NCAM2: variants seen among roughly 807,000 people sequenced by gnomAD.
The protein encoded by NCAM2 is neural cell adhesion molecule 2.
In NCAM2, 30 loss-of-function variants were observed where a neutral mutation model predicts 98.1. The observed-to-expected ratio is 0.31, with a 90% CI of 0.23 to 0.41. The LOEUF (loss-of-function observed/expected upper bound fraction) is 0.41, where lower values mean the gene tolerates loss of function less well. Ranked by LOEUF, NCAM2 falls within the 10% of genes least tolerant of loss-of-function variation. The pLI, the probability that NCAM2 is intolerant of heterozygous loss-of-function variation, is 1.00. For missense variants in NCAM2, 867 were observed against 1,005.8 expected (o/e 0.86, Z 1.87); for synonymous variants, 368 against 342.4 (o/e 1.07, Z -0.83).
chr21:21,391,535 ATAAT>A (rs201761958), intron 9 of NCAM2, among the ~76,000 whole-genome samples: 1,856 of 152,030 alleles, frequency 0.012, 37 homozygotes, highest in African/African-American at 0.041. Context: ...TGATCAGATA[ATAAT>A]TAATCTGAAT....
At chr21:21,467,201 A>G (rs1456375122) in intron 13 of NCAM2, among the ~76,000 whole-genome samples, 1 of 151,884 alleles carries the variant, frequency 6.6e-6, no homozygotes, top group African/African-American at 2.4e-5. Context: ...TTGTTCTGAT[A>G]ACTATCATAT....
At chr21:21,302,431 A>G (rs2073748587) in intron 5 of NCAM2, among the ~76,000 whole-genome samples, 1 of 152,002 alleles carries the variant, frequency 6.6e-6, no homozygotes. Flanking sequence ...TTCTAAGTGT[A>G]TGATTTTTCT....
At chr21:21,496,425 C>G (rs574666467) in intron 15 of NCAM2, among the ~76,000 whole-genome samples, 1 of 151,876 alleles carries the variant, frequency 6.6e-6, no homozygotes, top group Non-Finnish European at 1.5e-5. Flanking sequence ...TTTTGAGAAG[C>G]GTCTGTCCAT....
intron 1 of NCAM2, among the ~76,000 whole-genome samples, chr21:21,202,557 C>T (rs2069275521): frequency 6.6e-6 from 1 of 151,758 alleles, no homozygotes; most frequent in Admixed American, 6.6e-5. Flanking sequence ...GCTGGGAATA[C>T]AGGCATGTGC....
intron 1 of NCAM2, among the ~76,000 whole-genome samples, chr21:21,088,179 A>G (rs1324540955): frequency 3.3e-5 from 5 of 152,220 alleles, no homozygotes; most frequent in Non-Finnish European, 4.4e-5. Context: ...TTAATAATCA[A>G]TCCAAATGTA....
chr21:21,369,024 G>A (rs150019869), intron 8 of NCAM2, among the ~76,000 whole-genome samples: 2 of 151,750 alleles, frequency 1.3e-5, no homozygotes, highest in African/African-American at 2.4e-5. Flanking sequence ...GCAATTAAAA[G>A]CCTTTTTTCC....
At chr21:21,510,035 C>A (rs902833407) in intron 16 of NCAM2, among the ~76,000 whole-genome samples, 1 of 152,124 alleles carries the variant, frequency 6.6e-6, no homozygotes, top group Non-Finnish European at 1.5e-5. Flanking sequence ...AAGCAAACAA[C>A]TAGTTGGGTT....
intron 1 of NCAM2, among the ~76,000 whole-genome samples, chr21:21,090,136 A>G (rs143391849): frequency 6.6e-6 from 1 of 152,322 alleles, no homozygotes; most frequent in Non-Finnish European, 1.5e-5. Flanking sequence ...CCCCAGAATC[A>G]CTGAATCAGA....
intron 8 of NCAM2, among the ~76,000 whole-genome samples, chr21:21,366,228 A>G (rs1438071719): frequency 1.3e-5 from 2 of 152,094 alleles, no homozygotes; most frequent in Non-Finnish European, 2.9e-5. Context: ...TTTGTTTAAT[A>G]GTTATTATAC....
At chr21:21,179,662 C>G (rs2068406116) in intron 1 of NCAM2, among the ~76,000 whole-genome samples, 2 of 152,108 alleles carry the variant, frequency 1.3e-5, no homozygotes, top group Admixed American at 1.3e-4. Flanking sequence ...ATATTTACTT[C>G]CTTATAGAAG....
At chr21:21,319,798 A>G (rs894560161) in intron 5 of NCAM2, among the ~76,000 whole-genome samples, 2 of 152,194 alleles carry the variant, frequency 1.3e-5, no homozygotes, top group South Asian at 2.1e-4. Context: ...GCAAATAATT[A>G]GAAAATGGAG....
chr21:21,278,302 G>C (rs1358519510), intron 1 of NCAM2, among the ~76,000 whole-genome samples: 1 of 151,984 alleles, frequency 6.6e-6, no homozygotes, highest in Non-Finnish European at 1.5e-5. Context: ...CATCTCTTCA[G>C]ATTCAAGCTT....
intron 11 of NCAM2, among the ~76,000 whole-genome samples, chr21:21,429,694 A>C (rs536119638): frequency 2.9e-4 from 44 of 152,210 alleles, no homozygotes; most frequent in Non-Finnish European, 3.2e-4. Flanking sequence ...CCAAAACATT[A>C]TTTAGATATC....
intron 9 of NCAM2, among the ~76,000 whole-genome samples, chr21:21,380,790 G>A (rs2076137040): frequency 6.6e-6 from 1 of 152,162 alleles, no homozygotes; most frequent in South Asian, 2.1e-4. Flanking sequence ...CTTGGTCGCA[G>A]CTGGTAATGT....
At chr21:21,190,568 A>G (rs1369367297) in intron 1 of NCAM2, among the ~76,000 whole-genome samples, 1 of 152,174 alleles carries the variant, frequency 6.6e-6, no homozygotes, top group African/African-American at 2.4e-5. Flanking sequence ...ACTTGGAAGG[A>G]GATTAAGTAT....
Position 21,436,811 on chromosome 21 carries a change from G to A in NCAM2, c.1654+4530G>A, listed in dbSNP as rs1173946520. Among the ~76,000 whole-genome samples, 3 of 149,892 alleles carry A rather than the reference G, an allele frequency of 2.0e-5. No homozygotes were observed. The Admixed American group carries it at 2.0e-4, about 10-fold the overall frequency. On this transcript the variant is annotated intron_variant, in intron 12 of 17. Transcript: ENST00000400546. ...CAGAATCTTGCTCTTGTCCAGGCTAGAGGACAGTGGCGTGATCTCAGCTCA... is the reference window on the plus strand; with the variant it reads ...CAGAATCTTGCTCTTGTCCAGGCTAAAGGACAGTGGCGTGATCTCAGCTCA...
At chr21:21,318,165 C>T (rs1481091934) in intron 5 of NCAM2, among the ~76,000 whole-genome samples, 4 of 152,008 alleles carry the variant, frequency 2.6e-5, no homozygotes, top group Admixed American at 2.0e-4. Context: ...ACTCTGAGGG[C>T]CTTTCATGTA....
rs1185628660 is a variant in NCAM2, at chr21:21,188,239, A to C, written c.56-92339A>C. Among the ~76,000 whole-genome samples, 3 of 152,286 alleles carry C rather than the reference A, an allele frequency of 2.0e-5. No homozygotes were observed. The East Asian group carries it at 5.8e-4, about 29-fold the overall frequency. On this transcript the variant is annotated intron_variant, in intron 1 of 17. Transcript: ENST00000400546. The stretch of plus-strand genomic sequence containing the variant: ...TTCAAACAATAGCAATATTTAAAGC[A>C]AATAACTATTTAGATATAGGTTAAG...
At chr21:21,206,230 A>T (rs1601643482) in intron 1 of NCAM2, among the ~76,000 whole-genome samples, 1 of 152,276 alleles carries the variant, frequency 6.6e-6, no homozygotes, top group Admixed American at 6.5e-5. Context: ...TTCATATCAC[A>T]GTTATAAATT....
Sources: gnomAD v4.1 joint callset for allele counts (sites outside exome capture counted in the v4.1 genomes callset) on GRCh38, gnomAD v4.1.1 for gene constraint, MANE v1.5 for transcripts, NCBI Gene and HGNC (gene_info 2026-07-23, HGNC 2026-07-21) for gene names.